The following GALNT10 variants were observed in gnomAD, a reference collection of about 807,000 sequenced individuals.
GALNT10 encodes the protein polypeptide N-acetylgalactosaminyltransferase 10, also known as GalNAc transferase 10.
Under a neutral mutation model 75.0 loss-of-function variants are expected in GALNT10, and 41 were observed. That is an observed-to-expected ratio of 0.55 (90% confidence interval 0.43 to 0.71). GALNT10 has a LOEUF of 0.71. Ranked by LOEUF, GALNT10 falls within the 30% of genes least tolerant of loss-of-function variation. The probability of loss-of-function intolerance (pLI) is 0.00; values close to 1 mark genes in which losing one functional copy is unlikely to be tolerated. For missense variants in GALNT10, 727 were observed against 818.5 expected, an observed-to-expected ratio of 0.89 and a Z score of 1.36; for synonymous variants, 302 against 313.0, an observed-to-expected ratio of 0.96 and a Z score of 0.37.
chr5:154,347,231 A>AGG lies in GALNT10; in HGVS notation c.568+17494_568+17495dup, dbSNP rs780164529. The AGG allele has an allele frequency of 6.3e-6, 3 of 472,988 alleles. No homozygotes were observed. In the East Asian group the frequency reaches 2.2e-4, roughly 35 times the overall value. 29.3% of individuals were successfully genotyped at this position (472,988 alleles called of 1,614,324 possible). ...CACAGGACTCAGTGAGGTGAAACTG[A>AGG]GGATTAGGAAGGTGTAAACTGGACA... On this transcript the variant is annotated intron_variant, in intron 4 of 11. Transcript: ENST00000297107.
At chr5:154,198,129 G>A (rs553191808) in intron 1 of GALNT10, among the ~76,000 whole-genome samples, 3 of 152,308 alleles carry the variant, frequency 2.0e-5, no homozygotes, top group South Asian at 2.1e-4. Flanking sequence ...GCCTCCTCCT[G>A]TCTCCGTTCC....
chr5:154,378,892 C>T (rs1755695636), intron 5 of GALNT10, among the ~76,000 whole-genome samples: 1 of 152,052 alleles, frequency 6.6e-6, no homozygotes, highest in African/African-American at 2.4e-5. Context: ...CGCTGAACGG[C>T]CATGAACAAT....
intron 4 of GALNT10, among the ~76,000 whole-genome samples, chr5:154,374,052 G>C (rs906939081): frequency 1.3e-5 from 2 of 152,128 alleles, no homozygotes; most frequent in Admixed American, 1.3e-4. Flanking sequence ...AATGACTATG[G>C]ATTTTTTTCT....
rs2113219199 is a variant in GALNT10 at position 154,409,115 on chromosome 5, TGTTG to T, written c.1165-421_1165-418del. On this transcript the variant is annotated intron_variant, in intron 8 of 11. Transcript: ENST00000297107. The surrounding 1 kb of genome is among the most constrained non-coding windows in gnomAD (Gnocchi z 4.5). ...CTGCAAAAATCCCAAGGCTGATGCC[TGTTG>T]GTTGTGATTGGTGGGGCTTAGGGAA... is the stretch of plus-strand genomic sequence containing the variant. Among the ~76,000 whole-genome samples, 1 of 152,298 alleles carries T rather than the reference TGTTG, an allele frequency of 6.6e-6. No individual in the cohort carries two copies. Among genetic ancestry groups the T allele is most frequent in the South Asian group, 2.1e-4 (1 of 4,828 alleles).
At chr5:154,335,732 C>T (rs772235640) in intron 4 of GALNT10, among the ~76,000 whole-genome samples, 7 of 152,140 alleles carry the variant, frequency 4.6e-5, no homozygotes, top group Non-Finnish European at 7.3e-5. Flanking sequence ...TGAACACACC[C>T]AATCTCATCT....
At chr5:154,406,895 T>C (rs1756293337) in intron 8 of GALNT10, among the ~76,000 whole-genome samples, 1 of 152,120 alleles carries the variant, frequency 6.6e-6, no homozygotes, top group Non-Finnish European at 1.5e-5. Flanking sequence ...AGAGTTGTCC[T>C]AATAGCTCCG....
chr5:154,330,908 G>GGTGTGTGTGTGTGTGT lies in GALNT10; in HGVS notation c.568+1185_568+1200dup, dbSNP rs370103391. ...ACAGAGGCCTCAGAGAGACAGAGAG[G>GGTGTGTGTGTGTGTGT]GTGTGTGTGTGTGTGTGTGTGTGTG... is the stretch of plus-strand genomic sequence containing the variant. On this transcript the variant is annotated intron_variant, in intron 4 of 11. Transcript: ENST00000297107. Among the ~76,000 whole-genome samples, 1,200 of 125,986 alleles carry GGTGTGTGTGTGTGTGT rather than the reference G, an allele frequency of 9.5e-3. 4 individuals are homozygous for GGTGTGTGTGTGTGTGT. Among genetic ancestry groups the GGTGTGTGTGTGTGTGT allele is most frequent in the East Asian group, 0.02 (79 of 3,918 alleles). 82.7% of individuals were successfully genotyped at this position (125,986 alleles called of 152,430 possible). A position where few individuals can be genotyped will look rare whatever the true frequency, so the allele number is the denominator to read the frequency against.
chr5:154,404,686 A>G (rs1209566354), intron 8 of GALNT10, among the ~76,000 whole-genome samples: 1 of 152,200 alleles, frequency 6.6e-6, no homozygotes. Context: ...GTTAGACCAG[A>G]GGTGATGTAA....
rs1209450598 is a variant in GALNT10, at chr5:154,412,478, A to C, written c.1387-411A>C. On this transcript the variant is annotated intron_variant, in intron 9 of 11. Transcript: ENST00000297107. The surrounding 1 kb of genome is among the most constrained non-coding windows in gnomAD (Gnocchi z 4.2). ...GTCCATGACATACAGCAAAGGTTTC[A>C]TGTCCTTTTCTAGGCGCTTTCAAGG... 4.2e-4 allele frequency: 94 copies of C among 222,854 alleles called. No homozygotes were observed. The highest frequency in any genetic ancestry group is 8.1e-5 in the Non-Finnish European group (9 of 111,418). 13.8% of individuals were successfully genotyped at this position (222,854 alleles called of 1,614,324 possible). A position where few individuals can be genotyped will look rare whatever the true frequency, so the allele number is the denominator to read the frequency against.
intron 4 of GALNT10, chr5:154,356,390 A>G: frequency 2.9e-6 from 1 of 343,220 alleles, no homozygotes. Context: ...GGTATGAGAA[A>G]GGCTCTGGGA....
intron 4 of GALNT10, among the ~76,000 whole-genome samples, chr5:154,341,670 G>A (rs1206173251): frequency 6.6e-6 from 1 of 152,178 alleles, no homozygotes; most frequent in African/African-American, 2.4e-5. Flanking sequence ...GGAAAGACTA[G>A]CCCTGACCCT....
At chr5:154,253,002 G>GTTTTTTTTTTTT (rs373849888) in intron 1 of GALNT10, among the ~76,000 whole-genome samples, 4 of 89,860 alleles carry the variant, frequency 4.5e-5, no homozygotes, top group Admixed American at 2.2e-4. Context: ...TTTTTTAGTG[G>GTTTTTTTTTTTT]TTTTTTTTTT....
intron 4 of GALNT10, among the ~76,000 whole-genome samples, chr5:154,348,777 A>G (rs1755164789): frequency 6.6e-6 from 1 of 152,112 alleles, no homozygotes; most frequent in Admixed American, 6.5e-5. Flanking sequence ...GACTTTCTTC[A>G]CCTCTTCCCT....
Position 154,191,039 on chromosome 5 carries a change from T to C in GALNT10, c.159+14T>C. On this transcript the variant is annotated intron_variant, in intron 1 of 11. Coordinates refer to ENST00000297107, the MANE Select transcript of GALNT10 (RefSeq NM_198321.4). ...GCGGCGGGACAGGTGAGTCCCCCCG[T>C]TGCTACAGGCCGGGAACACCCCCTT... The C allele has an allele frequency of 7.1e-7, 1 of 1,406,668 alleles. No homozygotes were observed. Among genetic ancestry groups the C allele is most frequent in the Non-Finnish European group, 9.3e-7 (1 of 1,070,044 alleles). 87.1% of individuals were successfully genotyped at this position (1,406,668 alleles called of 1,614,324 possible). A position where few individuals can be genotyped will look rare whatever the true frequency, so the allele number is the denominator to read the frequency against.
intron 1 of GALNT10, among the ~76,000 whole-genome samples, chr5:154,254,035 T>G (rs907601707): frequency 6.6e-6 from 1 of 152,170 alleles, no homozygotes; most frequent in Non-Finnish European, 1.5e-5. Context: ...AGTTCTTACC[T>G]TAGCCCATAG....
chr5:154,299,505 T>C (rs1310602106), intron 3 of GALNT10, among the ~76,000 whole-genome samples: 2 of 152,234 alleles, frequency 1.3e-5, no homozygotes, highest in African/African-American at 4.8e-5. Context: ...CTAGAATCTG[T>C]GGTTTTAATC....
chr5:154,268,267 G>C (rs1369714760), intron 1 of GALNT10, among the ~76,000 whole-genome samples: 1 of 152,142 alleles, frequency 6.6e-6, no homozygotes, highest in African/African-American at 2.4e-5. Context: ...ACAGTCCATT[G>C]ACACTGAAGT....
rs191540026 is a variant in GALNT10, at chr5:154,196,271, G to A, written c.159+5246G>A. Among the ~76,000 whole-genome samples, 349 of 152,316 alleles carry A rather than the reference G, an allele frequency of 2.3e-3. 1 individual carries two copies. Among genetic ancestry groups the A allele is most frequent in the Non-Finnish European group, 3.7e-3 (254 of 68,032 alleles). ...CTAAAATGGATTAAAATTTAAGGTG[G>A]CAAAGGGACAAGAGTAGAGGAATTA... On this transcript the variant is annotated intron_variant, in intron 1 of 11. Coordinates refer to ENST00000297107, the MANE Select transcript of GALNT10 (RefSeq NM_198321.4).
chr5:154,219,834 T>TCACACACACACACACACA (rs763537693), intron 1 of GALNT10, among the ~76,000 whole-genome samples: 8,092 of 128,886 alleles, frequency 0.063, 377 homozygotes, highest in East Asian at 0.26. Context: ...TCTCTCTCTC[T>TCACACACACACACACACA]CTCTCACACA....
Sources: allele counts gnomAD v4.1 joint callset (sites outside exome capture counted in the v4.1 genomes callset), GRCh38; gene constraint gnomAD v4.1.1; non-coding constraint Gnocchi (gnomAD v3.1); transcripts MANE v1.5; gene names NCBI Gene and HGNC (gene_info 2026-07-23, HGNC 2026-07-21).